The following B3GALT1 variants were observed in gnomAD, a reference collection of about 807,000 sequenced individuals.
B3GALT1 encodes the protein UDP-Gal:betaGlcNAc beta 1,3-galactosyltransferase, polypeptide 1.
A neutral mutation model predicts 23.2 loss-of-function variants in B3GALT1; 10 were observed. The observed-to-expected ratio is 0.43, with a 90% CI of 0.27 to 0.73. The LOEUF (loss-of-function observed/expected upper bound fraction) is 0.73, where lower values mean the gene tolerates loss of function less well. Among genes scored for constraint, B3GALT1 ranks in the 30% least tolerant of loss-of-function variants. The pLI, the probability that B3GALT1 is intolerant of heterozygous loss-of-function variation, is 0.21. For synonymous variants in B3GALT1, 156 were observed against 141.5 expected (o/e 1.10, Z -0.73); for missense variants, 299 against 405.4 (o/e 0.74, Z 2.25).
In B3GALT1 at chr2:167,396,534, ATGTGTG is replaced by A. The variant is rs67013700; in HGVS notation, c.-510-93617_-510-93612del. The stretch of plus-strand genomic sequence containing the variant: ...AGTCTGCAAATATATATATATATAT[ATGTGTG>A]TGTGTGTGTGTGTGTGTGTGTGTGT... On this transcript the variant is annotated intron_variant, in intron 1 of 4. Transcript: ENST00000392690. 6.5e-3 allele frequency among the ~76,000 whole-genome samples: 929 copies of A among 142,170 alleles called. 7 individuals are homozygous for A. The highest frequency in any genetic ancestry group is 0.017 in the African/African-American group (626 of 37,082). The allele number at this position is 142,170 out of a possible 152,430, so 93.3% of individuals were successfully genotyped here.
chr2:167,564,284 T>TC (rs948168206), intron 2 of B3GALT1, among the ~76,000 whole-genome samples: 24 of 141,552 alleles, frequency 1.7e-4, no homozygotes, highest in South Asian at 4.6e-4. Context: ...GCAGAGACGC[T>TC]CCCCCCCTCC....
chr2:167,775,226 G>C (rs1688140396), intron 3 of B3GALT1, among the ~76,000 whole-genome samples: 1 of 152,066 alleles, frequency 6.6e-6, no homozygotes, highest in African/African-American at 2.4e-5. Flanking sequence ...ATAAATTATG[G>C]TACATCCAAA....
chr2:167,633,439 A>G (rs936000672), intron 2 of B3GALT1, among the ~76,000 whole-genome samples: 7 of 152,040 alleles, frequency 4.6e-5, no homozygotes, highest in African/African-American at 1.7e-4. Flanking sequence ...ACAAAGATAC[A>G]CAAAGGCTAA....
At chr2:167,639,906 A>G (rs910613366) in intron 2 of B3GALT1, among the ~76,000 whole-genome samples, 2 of 152,160 alleles carry the variant, frequency 1.3e-5, no homozygotes, top group Non-Finnish European at 2.9e-5. Context: ...CCCTACCAGG[A>G]GGAATGATGT....
chr2:167,773,669 C>T (rs1688109886), intron 3 of B3GALT1, among the ~76,000 whole-genome samples: 1 of 152,244 alleles, frequency 6.6e-6, no homozygotes, highest in Non-Finnish European at 1.5e-5. Flanking sequence ...ATTGACCTGG[C>T]AAAGTGCTCA....
chr2:167,432,386 A>G (rs889124629), intron 1 of B3GALT1, among the ~76,000 whole-genome samples: 4 of 152,208 alleles, frequency 2.6e-5, no homozygotes, highest in African/African-American at 9.7e-5. Context: ...TTCACCTGGA[A>G]GTATTCCAGG....
At chr2:167,444,844 G>T (rs535198140) in intron 1 of B3GALT1, among the ~76,000 whole-genome samples, 2 of 152,162 alleles carry the variant, frequency 1.3e-5, no homozygotes, top group South Asian at 4.1e-4. Context: ...TTTTTGAAGA[G>T]TTTTTTGTGT....
chr2:167,413,202 G>T (rs1435077874), intron 1 of B3GALT1, among the ~76,000 whole-genome samples: 1 of 151,818 alleles, frequency 6.6e-6, no homozygotes, highest in African/African-American at 2.4e-5. Flanking sequence ...GAGATGGGGG[G>T]ATAGAAAAAA....
At chr2:167,421,585 G>A (rs1698547840) in intron 1 of B3GALT1, among the ~76,000 whole-genome samples, 1 of 152,160 alleles carries the variant, frequency 6.6e-6, no homozygotes, top group African/African-American at 2.4e-5. Flanking sequence ...AAAGGGGTTA[G>A]TATTTCAAGC....
intron 3 of B3GALT1, among the ~76,000 whole-genome samples, chr2:167,797,863 C>A (rs1162922525): frequency 6.6e-6 from 1 of 152,190 alleles, no homozygotes; most frequent in African/African-American, 2.4e-5. Flanking sequence ...CGTGACCACA[C>A]CTGGCTAATT....
chr2:167,758,619 C>T (rs1243460787), intron 3 of B3GALT1, among the ~76,000 whole-genome samples: 3 of 152,166 alleles, frequency 2.0e-5, no homozygotes, highest in East Asian at 1.9e-4. Flanking sequence ...GCCTAACACT[C>T]CTCTTCCCTC....
intron 2 of B3GALT1, among the ~76,000 whole-genome samples, chr2:167,608,451 G>A (rs1653413): frequency 0.07 from 10,596 of 152,136 alleles, 932 homozygotes; most frequent in African/African-American, 0.2. Flanking sequence ...TGTATTTAAG[G>A]TTTAATTCTT....
intron 3 of B3GALT1, among the ~76,000 whole-genome samples, chr2:167,736,483 C>T (rs1687494135): frequency 6.6e-6 from 1 of 152,136 alleles, no homozygotes; most frequent in Non-Finnish European, 1.5e-5. Flanking sequence ...AAATGGCAAG[C>T]TCAGCATATC....
chr2:167,549,874 A>G (rs940707004), intron 2 of B3GALT1, among the ~76,000 whole-genome samples: 1 of 152,076 alleles, frequency 6.6e-6, no homozygotes, highest in African/African-American at 2.4e-5. Context: ...AGTTTTGAGG[A>G]AAAAAAATAC....
intron 2 of B3GALT1, among the ~76,000 whole-genome samples, chr2:167,587,264 A>G (rs1259590800): frequency 2.6e-5 from 4 of 152,262 alleles, no homozygotes; most frequent in Non-Finnish European, 4.4e-5. Flanking sequence ...ATTATTCAAC[A>G]TATTTTTACG....
intron 3 of B3GALT1, among the ~76,000 whole-genome samples, chr2:167,662,994 A>T (rs1170880299): frequency 5.9e-5 from 9 of 151,870 alleles, no homozygotes. Flanking sequence ...GTTTTAGGGT[A>T]CATGTGCACA....
intron 3 of B3GALT1, among the ~76,000 whole-genome samples, chr2:167,698,185 G>T (rs1436081525): frequency 6.6e-6 from 1 of 152,096 alleles, no homozygotes; most frequent in African/African-American, 2.4e-5. Context: ...ATGGAAAGAA[G>T]GAAAGTATTT....
At chr2:167,784,395 G>A (rs1249155088) in intron 3 of B3GALT1, among the ~76,000 whole-genome samples, 1 of 152,172 alleles carries the variant, frequency 6.6e-6, no homozygotes, top group Non-Finnish European at 1.5e-5. Flanking sequence ...TAAAAGAATA[G>A]AGATCCCCAG....
intron 3 of B3GALT1, among the ~76,000 whole-genome samples, chr2:167,649,001 T>C (rs1345491483): frequency 6.6e-6 from 1 of 152,130 alleles, no homozygotes; most frequent in East Asian, 1.9e-4. Context: ...TTTTATAGCC[T>C]TTCACTTGCT....
Sources: gnomAD v4.1 joint callset for allele counts (sites outside exome capture counted in the v4.1 genomes callset) on GRCh38, gnomAD v4.1.1 for gene constraint, MANE v1.5 for transcripts, NCBI Gene and HGNC (gene_info 2026-07-23, HGNC 2026-07-21) for gene names.